The following CCDC68 variants were observed in gnomAD, a reference collection of about 807,000 sequenced individuals.
CCDC68 encodes coiled-coil domain-containing protein 68.
CCDC68 carries 45 observed loss-of-function variants against 47.1 expected under a neutral mutation model. The observed-to-expected ratio is 0.96, with a 90% CI of 0.75 to 1.23. The LOEUF is 1.23. CCDC68 is among the 50% of genes most tolerant of loss of function. The pLI, the probability that CCDC68 is intolerant of heterozygous loss-of-function variation, is 0.00. For missense variants in CCDC68, 353 were observed against 373.6 expected (o/e 0.94, Z 0.45); for synonymous variants, 131 against 129.5 (o/e 1.01, Z -0.08).
chr18:54,903,943 T>A lies in CCDC68; in HGVS notation c.*415A>T, dbSNP rs942793523. On this transcript the variant is annotated 3_prime_UTR_variant, in exon 12 of 12. Transcript: ENST00000591504. Reference sequence around the variant, plus strand: ...TACATATACATGCCCTTCATACATATATATGCAGGAAATGTATGTTCATTC... The same window carrying A: ...TACATATACATGCCCTTCATACATAAATATGCAGGAAATGTATGTTCATTC... 3 of 156,940 alleles carry A rather than the reference T, an allele frequency of 1.9e-5. No homozygotes were observed. Among genetic ancestry groups the A allele is most frequent in the African/African-American group, 7.2e-5 (3 of 41,504 alleles). The allele number at this position is 156,940 out of a possible 1,614,324, so 9.7% of individuals were successfully genotyped here.
At chr18:54,913,366 G>T (rs989185791) in intron 10 of CCDC68, among the ~76,000 whole-genome samples, 5 of 152,176 alleles carry the variant, frequency 3.3e-5, no homozygotes. Flanking sequence ...TTCATAAACT[G>T]AATCAGTTCC....
In CCDC68 at chr18:54,941,038, C is replaced by T. The variant is rs1423113467; in HGVS notation, c.163G>A (p.Glu55Lys). ...QKIRTQMFKD[E>K]IRHDSTNHKL... ...TGATTTGTACTGTCATGTCTTATTT[C>T]ATCTTTAAACATCTGGGTCCTGATC... is the stretch of plus-strand genomic sequence containing the variant. Residue 55 changes from glutamate to lysine, a missense_variant, in exon 4 of 12, where the codon GAA becomes AAA. Coordinates refer to ENST00000591504, the MANE Select transcript of CCDC68 (RefSeq NM_025214.3). 17 of 1,612,312 alleles carry T rather than the reference C, an allele frequency of 1.1e-5. No individual in the cohort carries two copies. Among genetic ancestry groups the T allele is most frequent in the Non-Finnish European group, 1.4e-5 (16 of 1,178,802 alleles).
chr18:54,917,840 GACACACACACACAC>G (rs59686916), intron 10 of CCDC68, 59 bp downstream of exon 10: 37 of 724,142 alleles, frequency 5.1e-5, no homozygotes, highest in African/African-American at 1.6e-4. Flanking sequence ...CACGTGCACA[GACACACACACACAC>G]ACACACACAC....
chr18:54,925,294 T>C (rs780671310), intron 8 of CCDC68, among the ~76,000 whole-genome samples: 102 of 152,182 alleles, frequency 6.7e-4, no homozygotes, highest in Non-Finnish European at 1.3e-3. Flanking sequence ...TTTTCTAATT[T>C]AAGTAATCAT....
intron 6 of CCDC68, 21 bp downstream of exon 6, chr18:54,936,812 G>A (rs370859571): frequency 6.2e-7 from 1 of 1,613,672 alleles, no homozygotes; most frequent in African/African-American, 1.3e-5. Context: ...TTCTCCAATA[G>A]ACAAGCTGCA....
chr18:54,918,438 T>C (rs541029555), intron 9 of CCDC68, among the ~76,000 whole-genome samples: 1 of 152,288 alleles, frequency 6.6e-6, no homozygotes, highest in Non-Finnish European at 1.5e-5. Context: ...AGAGGCAATG[T>C]GGAATTGGGA....
chr18:54,939,734 G>A (rs200394795), intron 4 of CCDC68, among the ~76,000 whole-genome samples: 11 of 152,220 alleles, frequency 7.2e-5, no homozygotes, highest in Middle Eastern at 3.4e-3. Flanking sequence ...GGGTCCCGCC[G>A]TGCTTCTGAA....
chr18:54,936,869 C>T lies in CCDC68; in HGVS notation c.435G>A (p.Val145=), dbSNP rs1347382838. The change falls in exon 6 of 12, where the codon GTG becomes GTA. Residue 145 remains valine (V), a synonymous_variant. Coordinates refer to ENST00000591504, the MANE Select transcript of CCDC68 (RefSeq NM_025214.3). ...GTTTACTGTCCTCCTGCTTCTTTCT[C>T]ACTTCTTCAGATTGCGTTTGGTAGT... The part of the protein sequence containing the change: ...FENYQTQSEE[V]RKKQEDSKQL... 2 of 1,614,004 alleles carry T rather than the reference C, an allele frequency of 1.2e-6. No individual in the cohort carries two copies. The highest frequency in any genetic ancestry group is 3.3e-5 in the Admixed American group (2 of 60,000).
chr18:54,956,156 A>T (rs955854712), intron 1 of CCDC68, among the ~76,000 whole-genome samples: 13 of 151,990 alleles, frequency 8.6e-5, no homozygotes, highest in Non-Finnish European at 1.8e-4. Flanking sequence ...CGCCCAGGTG[A>T]TTTTTGTATT....
intron 1 of CCDC68, among the ~76,000 whole-genome samples, chr18:54,958,931 A>C (rs2044756630): frequency 6.6e-6 from 1 of 152,212 alleles, no homozygotes; most frequent in Non-Finnish European, 1.5e-5. Flanking sequence ...GACCTGTCAA[A>C]GCCACCACGC....
chr18:54,913,383 T>C (rs1489646803), intron 10 of CCDC68, among the ~76,000 whole-genome samples: 1 of 152,250 alleles, frequency 6.6e-6, no homozygotes, highest in African/African-American at 2.4e-5. Context: ...TTCCTCCTGT[T>C]ATTTTAGGAA....
intron 1 of CCDC68, among the ~76,000 whole-genome samples, chr18:54,948,367 A>C (rs1283827717): frequency 2.0e-5 from 3 of 152,132 alleles, no homozygotes; most frequent in Admixed American, 1.3e-4. Flanking sequence ...ATTACTAGCA[A>C]ACCACCAGAA....
rs1326240342 is a variant in CCDC68, at chr18:54,902,088, G to T, written c.*2270C>A. ...ATAAAGTAAATTTCTCCCAAAGTTA[G>T]CTTGGCCCACACTCAGGAACGACCA... is the stretch of plus-strand genomic sequence containing the variant. On this transcript the variant is annotated 3_prime_UTR_variant, in exon 12 of 12. Coordinates refer to ENST00000591504, the MANE Select transcript of CCDC68 (RefSeq NM_025214.3). 2 of 151,722 alleles carry T rather than the reference G, an allele frequency of 1.3e-5. No individual in the cohort carries two copies. The highest frequency in any genetic ancestry group is 4.8e-5 in the African/African-American group (2 of 41,254). 9.4% of individuals were successfully genotyped at this position (151,722 alleles called of 1,614,324 possible).
chr18:54,912,748 C>T (rs1210850313), intron 10 of CCDC68, among the ~76,000 whole-genome samples: 1 of 152,140 alleles, frequency 6.6e-6, no homozygotes, highest in East Asian at 1.9e-4. Flanking sequence ...TTAATGGACT[C>T]ACAGTTCCAC....
chr18:54,936,286 T>C (rs1005589186), intron 6 of CCDC68, among the ~76,000 whole-genome samples: 6 of 146,166 alleles, frequency 4.1e-5, no homozygotes, highest in Non-Finnish European at 9.0e-5. Flanking sequence ...TATTTTTAAA[T>C]AATATATAAA....
At chr18:54,957,453 G>A (rs2044731690) in intron 1 of CCDC68, among the ~76,000 whole-genome samples, 1 of 152,168 alleles carries the variant, frequency 6.6e-6, no homozygotes, top group Non-Finnish European at 1.5e-5. Flanking sequence ...ATAGAAATGT[G>A]TCTGATTTAC....
intron 11 of CCDC68, among the ~76,000 whole-genome samples, chr18:54,906,550 A>T (rs1026360269): frequency 1.3e-5 from 2 of 152,080 alleles, no homozygotes; most frequent in African/African-American, 4.8e-5. Flanking sequence ...CCAGGGTCCA[A>T]GCAGCTGGGA....
intron 4 of CCDC68, among the ~76,000 whole-genome samples, chr18:54,939,760 G>C (rs1196117563): frequency 6.6e-6 from 1 of 152,112 alleles, no homozygotes; most frequent in East Asian, 1.9e-4. Flanking sequence ...CTCCTCATTT[G>C]CCTTCAGTGA....
intron 10 of CCDC68, among the ~76,000 whole-genome samples, chr18:54,915,182 C>A (rs1038103863): frequency 6.6e-6 from 1 of 152,212 alleles, no homozygotes; most frequent in Non-Finnish European, 1.5e-5. Flanking sequence ...GCTATTGGAG[C>A]CACAATAGGC....
Sources: allele counts gnomAD v4.1 joint callset (sites outside exome capture counted in the v4.1 genomes callset), GRCh38; gene constraint gnomAD v4.1.1; transcripts MANE v1.5; gene names NCBI Gene and HGNC (gene_info 2026-07-23, HGNC 2026-07-21).